PACSIN3: variants seen among roughly 807,000 people sequenced by gnomAD.
PACSIN3 encodes the protein protein kinase C and casein kinase substrate in neurons protein 3.
In PACSIN3, 34 loss-of-function variants were observed where a neutral mutation model predicts 56.1. The observed-to-expected ratio is 0.61, with a 90% CI of 0.46 to 0.81. PACSIN3 has a LOEUF of 0.81. Ranked by LOEUF, PACSIN3 falls within the 30% of genes least tolerant of loss-of-function variation. The pLI is 0.00. For synonymous variants in PACSIN3, 218 were observed against 229.8 expected, an observed-to-expected ratio of 0.95 and a Z score of 0.46; for missense variants, 535 against 592.4, an observed-to-expected ratio of 0.90 and a Z score of 1.01.
Position 47,179,239 on chromosome 11 carries a change from C to A in PACSIN3, c.820G>T (p.Ala274Ser). ...CGCAGATCCTCTTCGTCACTGGCTGCCTCAATGCCCTGGTGCAAGTCACGG... is the reference window on the plus strand; with the variant it reads ...CGCAGATCCTCTTCGTCACTGGCTGACTCAATGCCCTGGTGCAAGTCACGG... ...LHRDLHQGIE[A>S]ASDEEDLRWW... The change falls in exon 8 of 11, where the codon GCA becomes TCA. Residue 274 changes from alanine to serine, a missense_variant. Transcript: ENST00000298838. The surrounding 1 kb of genome is among the most constrained non-coding windows in gnomAD (Gnocchi z 4.4). 6.2e-7 allele frequency: 1 copy of A among 1,614,044 alleles called. No homozygotes were observed. The highest frequency in any genetic ancestry group is 8.5e-7 in the Non-Finnish European group (1 of 1,180,026).
chr11:47,182,036 C>T (rs1953034944), intron 4 of PACSIN3, among the ~76,000 whole-genome samples: 4 of 151,424 alleles, frequency 2.6e-5, no homozygotes, highest in Admixed American at 2.6e-4. Flanking sequence ...CCTGTAATCC[C>T]AGCTACTTGG....
intron 4 of PACSIN3, among the ~76,000 whole-genome samples, chr11:47,181,940 G>A (rs1462105250): frequency 2.0e-5 from 3 of 152,050 alleles, no homozygotes. Context: ...ATTACCTGAG[G>A]TCAGGAGTTT....
intron 2 of PACSIN3, 112 bp downstream of exon 2, chr11:47,182,892 A>T: frequency 1.5e-6 from 1 of 647,404 alleles, no homozygotes; most frequent in Non-Finnish European, 2.5e-6. Flanking sequence ...CAGAGCTAGG[A>T]CTTAGCAGGC....
chr11:47,178,759 A>G lies in PACSIN3; in HGVS notation c.1037+135T>C. The G allele has an allele frequency of 2.0e-6, 2 of 991,572 alleles. No homozygotes were observed. The highest frequency in any genetic ancestry group is 3.1e-5 in the South Asian group (2 of 63,570). 61.4% of individuals were successfully genotyped at this position (991,572 alleles called of 1,614,324 possible). Reference sequence around the variant, plus strand: ...TATGAGAACCAGTATCATTACAACTACTAAGTAGGCCCTCAGGTCCCTGGC... The same window carrying G: ...TATGAGAACCAGTATCATTACAACTGCTAAGTAGGCCCTCAGGTCCCTGGC... On this transcript the variant is annotated intron_variant, in intron 9 of 10. Coordinates refer to ENST00000298838, the MANE Select transcript of PACSIN3 (RefSeq NM_016223.5). The surrounding 1 kb of genome is among the most constrained non-coding windows in gnomAD (Gnocchi z 4.2).
intron 1 of PACSIN3, among the ~76,000 whole-genome samples, chr11:47,184,933 C>G (rs1316664814): frequency 1.3e-5 from 2 of 152,058 alleles, no homozygotes; most frequent in Non-Finnish European, 2.9e-5. Context: ...GCTGGCACAG[C>G]TCCCTCCGGC....
chr11:47,179,097 C>A lies in PACSIN3; in HGVS notation c.900+62G>T. ...CACCTTCACTTACTTCATCCCTAGC[C>A]CTGGCCGAGCTGAGTGGGAGCCCAT... is the stretch of plus-strand genomic sequence containing the variant. On this transcript the variant is annotated intron_variant, in intron 8 of 10. Coordinates refer to ENST00000298838, the MANE Select transcript of PACSIN3 (RefSeq NM_016223.5). The surrounding 1 kb of genome is among the most constrained non-coding windows in gnomAD (Gnocchi z 4.4). The A allele has an allele frequency of 6.2e-7, 1 of 1,613,728 alleles. No homozygotes were observed.
At chr11:47,180,395 G>C in intron 5 of PACSIN3, 54 bp from the exon 6 acceptor site, 1 of 1,598,050 alleles carries the variant, frequency 6.3e-7, no homozygotes, top group Non-Finnish European at 8.5e-7. Flanking sequence ...TGGCCCCCTC[G>C]ATCCCTTGCA....
Position 47,179,440 on chromosome 11 carries a change from G to A in PACSIN3, c.750C>T (p.His250=), listed in dbSNP as rs138948043. The stretch of plus-strand genomic sequence containing the variant: ...CACTGCTGGAAAGGTCCAGGTGCTG[G>A]TGTAAGGTGAGCAGCATATCCTTGA... ...LFFKDMLLTL[H]QHLDLSSSEK... The change falls in exon 7 of 11, where the codon CAC becomes CAT. Residue 250 remains histidine, a synonymous_variant. Transcript: ENST00000298838. The surrounding 1 kb of genome is among the most constrained non-coding windows in gnomAD (Gnocchi z 4.4). 975 of 1,614,100 alleles carry A rather than the reference G, an allele frequency of 6.0e-4. 9 individuals carry two copies. In the African/African-American group the frequency reaches 0.012, roughly 20 times the overall value.
chr11:47,178,637 G>A lies in PACSIN3; in HGVS notation c.1038-150C>T. 1 of 1,096,570 alleles carries A rather than the reference G, an allele frequency of 9.1e-7. No homozygotes were observed. The highest frequency in any genetic ancestry group is 1.6e-5 in the South Asian group (1 of 62,438). 67.9% of individuals were successfully genotyped at this position (1,096,570 alleles called of 1,614,324 possible). A position where few individuals can be genotyped will look rare whatever the true frequency, so the allele number is the denominator to read the frequency against. ...AAAGATTCTAGCTCTACCTCGCCAT[G>A]CCCGACTGTGAGCAAAGAGGCAATT... On this transcript the variant is annotated intron_variant, in intron 9 of 10. Transcript: ENST00000298838. The surrounding 1 kb of genome is among the most constrained non-coding windows in gnomAD (Gnocchi z 4.2).
Position 47,177,651 on chromosome 11 carries a change from C to G in PACSIN3, c.*280G>C, listed in dbSNP as rs753391723. On this transcript the variant is annotated 3_prime_UTR_variant, in exon 11 of 11. Coordinates refer to ENST00000298838, the MANE Select transcript of PACSIN3 (RefSeq NM_016223.5). ...ACCCCAGGAACCCCAAAGCAGAGGT[C>G]AGGAACTGAGTCCACAGCTCCTGGG... is the stretch of plus-strand genomic sequence containing the variant. 6.2e-6 allele frequency: 3 copies of G among 487,634 alleles called. No homozygotes were observed. The highest frequency in any genetic ancestry group is 1.1e-5 in the Non-Finnish European group (3 of 272,714). 30.2% of individuals were successfully genotyped at this position (487,634 alleles called of 1,614,324 possible). A position where few individuals can be genotyped will look rare whatever the true frequency, so the allele number is the denominator to read the frequency against.
chr11:47,184,864 G>A (rs1039628770), intron 1 of PACSIN3, among the ~76,000 whole-genome samples: 3 of 152,174 alleles, frequency 2.0e-5, no homozygotes, highest in Non-Finnish European at 2.9e-5. Context: ...TCCCCAGAGA[G>A]CTGCCCCCCA....
intron 1 of PACSIN3, chr11:47,185,939 G>C (rs1953112940): frequency 6.6e-6 from 1 of 152,196 alleles, no homozygotes; most frequent in Non-Finnish European, 1.5e-5. Flanking sequence ...TGCCTGGGCC[G>C]GCCTTGCCGT....
At position 47,183,049 on chromosome 11, in the gene PACSIN3, A is replaced by C; in HGVS notation, c.-83T>G. The C allele has an allele frequency of 3.2e-4, 84 of 260,820 alleles. No homozygotes were observed. The highest frequency in any genetic ancestry group is 7.5e-4 in the East Asian group (9 of 11,932). 16.2% of individuals were successfully genotyped at this position (260,820 alleles called of 1,614,324 possible). On this transcript the variant is annotated 5_prime_UTR_variant, in exon 2 of 11. Transcript: ENST00000298838. The stretch of plus-strand genomic sequence containing the variant: ...CAAGGACCCGGGTGTCCAACTCTCA[A>C]TGCTGCCACCGTGACTCTGCCTTGA...
In PACSIN3 at chr11:47,178,025, C is replaced by G. The variant is rs1565137029; in HGVS notation, c.1181G>C (p.Ser394Thr). Residue 394 changes from serine to threonine, a missense_variant, in exon 11 of 11, where the codon AGT (serine) becomes ACT (threonine). Physicochemically the swap from Ser to Thr is moderately conservative, Grantham distance 58. Coordinates refer to ENST00000298838, the MANE Select transcript of PACSIN3 (RefSeq NM_016223.5). The surrounding 1 kb of genome is among the most constrained non-coding windows in gnomAD (Gnocchi z 4.2). ...GCACCAGCCCTGCTCGTCCTCCTCACTCATCTTCAGCAGCTCCTCCCCTGG... is the reference window on the plus strand; with the variant it reads ...GCACCAGCCCTGCTCGTCCTCCTCAGTCATCTTCAGCAGCTCCTCCCCTGG... Reference protein sequence around the residue: ...FRAGEELLKMSEEDEQGWCQG... With the variant: ...FRAGEELLKMTEEDEQGWCQG... The G allele has an allele frequency of 1.9e-6, 3 of 1,613,956 alleles. No individual in the cohort carries two copies. In the South Asian group the frequency reaches 3.3e-5, roughly 18 times the overall value.
In PACSIN3 at chr11:47,179,663, G is replaced by T; in HGVS notation, c.604-77C>A. 3 of 1,440,198 alleles carry T rather than the reference G, an allele frequency of 2.1e-6. No homozygotes were observed. The highest frequency in any genetic ancestry group is 1.9e-6 in the Non-Finnish European group (2 of 1,056,724). The allele number at this position is 1,440,198 out of a possible 1,614,324, so 89.2% of individuals were successfully genotyped here. ...ACTCCACCAGTGTTTACCAGACACT[G>T]CCATAGGCTGCTAGACCCAGGGCTA... On this transcript the variant is annotated intron_variant, in intron 6 of 10. Transcript: ENST00000298838. This position sits in a 1 kb window ranked among gnomAD's most constrained non-coding sequence, Gnocchi z 4.4.
chr11:47,177,854 C>G lies in PACSIN3; in HGVS notation c.*77G>C, dbSNP rs907379569. On this transcript the variant is annotated 3_prime_UTR_variant, in exon 11 of 11. Coordinates refer to ENST00000298838, the MANE Select transcript of PACSIN3 (RefSeq NM_016223.5). ...AGCCAGAGAGCGACGGTTCAGGGCC[C>G]TGAGGGTCCGGCTCTCCAGGAGAAG... is the stretch of plus-strand genomic sequence containing the variant. 8.6e-7 allele frequency: 1 copy of G among 1,164,314 alleles called. No homozygotes were observed. Among genetic ancestry groups the G allele is most frequent in the South Asian group, 1.2e-5 (1 of 81,034 alleles). 72.1% of individuals were successfully genotyped at this position (1,164,314 alleles called of 1,614,324 possible).
At position 47,178,450 on chromosome 11, in the gene PACSIN3, G is replaced by T; in HGVS notation, c.1075C>A (p.Pro359Thr). The part of the protein sequence containing the change: ...QDEEWSDEES[P>T]RKAATGVRVR... ...CGAACCCCGGTGGCAGCCTTCCGGG[G>T]ACTCTCTTCATCTGACCACTCCTCA... Residue 359 changes from proline (P) to threonine (T), a missense_variant, in exon 10 of 11, where the codon CCC (proline) becomes ACC (threonine). Coordinates refer to ENST00000298838, the MANE Select transcript of PACSIN3 (RefSeq NM_016223.5). The surrounding 1 kb of genome is among the most constrained non-coding windows in gnomAD (Gnocchi z 4.2). 1.2e-6 allele frequency: 2 copies of T among 1,613,888 alleles called. No individual in the cohort carries two copies. The highest frequency in any genetic ancestry group is 1.1e-5 in the South Asian group (1 of 91,082).
Position 47,178,277 on chromosome 11 carries a change from T to G in PACSIN3, c.1159+89A>C. 1 of 1,526,440 alleles carries G rather than the reference T, an allele frequency of 6.6e-7. No homozygotes were observed. Among genetic ancestry groups the G allele is most frequent in the South Asian group, 1.2e-5 (1 of 83,516 alleles). 94.6% of individuals were successfully genotyped at this position (1,526,440 alleles called of 1,614,324 possible). ...GCTGAAGGGACAGAGGACTGGCCCT[T>G]AAGAAGTGGGTATTTGGCTTCCCTT... On this transcript the variant is annotated intron_variant, in intron 10 of 10. Transcript: ENST00000298838. This position sits in a 1 kb window ranked among gnomAD's most constrained non-coding sequence, Gnocchi z 4.2.
Position 47,182,712 on chromosome 11 carries a change from C to T in PACSIN3, c.16G>A (p.Asp6Asn), listed in dbSNP as rs749676389. Residue 6 changes from aspartate to asparagine, a missense_variant, in exon 3 of 11, where the codon GAC becomes AAC. Transcript: ENST00000298838. MAPEE[D>N]AGGEALGGSF... ...CCCCCTAAGGCCTCCCCTCCAGCGT[C>T]CTCTTCTGGAGCCATGGTGTCCCCG... 5.0e-6 allele frequency: 8 copies of T among 1,612,774 alleles called. No homozygotes were observed. Among genetic ancestry groups the T allele is most frequent in the Admixed American group, 1.7e-5 (1 of 59,814 alleles).
Sources: gnomAD v4.1 joint callset for allele counts (sites outside exome capture counted in the v4.1 genomes callset) on GRCh38, gnomAD v4.1.1 for gene constraint, Gnocchi (gnomAD v3.1) non-coding constraint, MANE v1.5 for transcripts, NCBI Gene and HGNC (gene_info 2026-07-23, HGNC 2026-07-21) for gene names.